GIGYF1: variants seen among roughly 807,000 people sequenced by gnomAD.
GIGYF1 encodes GRB10 interacting GYF protein 1.
Under a neutral mutation model 147.1 loss-of-function variants are expected in GIGYF1, and 84 were observed. That is an observed-to-expected ratio of 0.57 (90% CI 0.48 to 0.68). The LOEUF is 0.68. Among genes scored for constraint, GIGYF1 ranks in the 30% least tolerant of loss-of-function variants. The pLI, the probability that GIGYF1 is intolerant of heterozygous loss-of-function variation, is 0.00. For missense variants in GIGYF1, 1,485 were observed against 1,393.7 expected (o/e 1.07, Z -1.04); for synonymous variants, 752 against 589.5 (o/e 1.28, Z -3.99).
In GIGYF1 at chr7:100,682,197, G is replaced by A; in HGVS notation, c.2800C>T (p.Pro934Ser). 6.2e-7 allele frequency: 1 copy of A among 1,613,554 alleles called. No individual in the cohort carries two copies. Among genetic ancestry groups the A allele is most frequent in the Non-Finnish European group, 8.5e-7 (1 of 1,179,948 alleles). The part of the protein sequence containing the change: ...AVAILKEVES[P>S]YDVHDYIRSC... The stretch of plus-strand genomic sequence containing the variant: ...CGGATATAATCGTGGACATCATAGG[G>A]GGATTCCACCTCCTTGAGGATCGCT... The change falls in exon 25 of 27, where the codon CCC becomes TCC. Residue 934 changes from proline (P) to serine (S), a missense_variant. Transcript: ENST00000678049.
intron 8 of GIGYF1, 54 bp from the exon 9 acceptor site, chr7:100,687,100 T>C (rs1805430497): frequency 1.2e-6 from 2 of 1,608,334 alleles, no homozygotes; most frequent in Non-Finnish European, 1.7e-6. Context: ...CCTGCCACCC[T>C]GTGCAACCGC....
chr7:100,689,858 C>T (rs551059582), intron 1 of GIGYF1, among the ~76,000 whole-genome samples: 7 of 152,266 alleles, frequency 4.6e-5, no homozygotes, highest in East Asian at 3.9e-4. Flanking sequence ...GAGGACATCA[C>T]GCTAAGAGAA....
At chr7:100,693,292 TTTTTG>T (rs935353566) in intron 1 of GIGYF1, among the ~76,000 whole-genome samples, 5 of 4,306 alleles carry the variant, frequency 1.2e-3, no homozygotes, top group Non-Finnish European at 2.6e-3. Flanking sequence ...CTCGGAAATT[TTTTTG>T]TTTTTTTTTT....
chr7:100,688,584 G>A lies in GIGYF1; in HGVS notation c.-135+8C>T. On this transcript the variant is annotated splice_region_variant and intron_variant, in intron 2 of 26. Coordinates refer to ENST00000678049, the MANE Select transcript of GIGYF1 (RefSeq NM_001375765.1). ...CAGCAGGGCAACCACCCTTGGCCCG[G>A]GGCTCACCTGGCAGCCTGGCCCGGG... 1.8e-6 allele frequency: 1 copy of A among 546,376 alleles called. No individual in the cohort carries two copies. Among genetic ancestry groups the A allele is most frequent in the East Asian group, 4.4e-5 (1 of 22,810 alleles). 33.8% of individuals were successfully genotyped at this position (546,376 alleles called of 1,614,324 possible).
rs1392228736 is a variant in GIGYF1 at position 100,682,233 on chromosome 7, G to A, written c.2764C>T (p.Pro922Ser). The part of the protein sequence containing the change: ...TLSATGSLDV[P>S]MAVAILKEVE... ...TCCTTGAGGATCGCTACAGCCATGGGCACTGCAGGATGAGCGAAGGCTGTC... is the reference window on the plus strand; with the variant it reads ...TCCTTGAGGATCGCTACAGCCATGGACACTGCAGGATGAGCGAAGGCTGTC... Residue 922 changes from proline to serine, a missense_variant and splice_region_variant, in exon 25 of 27, where the codon CCC becomes TCC. Pro to Ser is a moderately conservative substitution (Grantham distance 74). Transcript: ENST00000678049. The A allele has an allele frequency of 6.2e-7, 1 of 1,611,554 alleles. No individual in the cohort carries two copies. The highest frequency in any genetic ancestry group is 8.5e-7 in the Non-Finnish European group (1 of 1,179,682).
Position 100,684,766 on chromosome 7 carries a change from A to G in GIGYF1, c.1419T>C (p.Ala473=), listed in dbSNP as rs1805152857. The G allele has an allele frequency of 4.3e-6, 7 of 1,612,284 alleles. No homozygotes were observed. Among genetic ancestry groups the G allele is most frequent in the Non-Finnish European group, 5.9e-6 (7 of 1,179,364 alleles). Residue 473 remains alanine (A), a synonymous_variant, in exon 15 of 27, where the codon GCT becomes GCC. Coordinates refer to ENST00000678049, the MANE Select transcript of GIGYF1 (RefSeq NM_001375765.1). ...GGTCCTTGTAGAACCACTTCCGGGC[A>G]GCCCCATGGCTGAGCGGGAGGGCAG... The part of the protein sequence containing the change: ...AATALPLSHG[A]ARKWFYKDPQ...
chr7:100,689,743 C>G lies in GIGYF1; in HGVS notation c.-1098-188G>C, dbSNP rs573827912. Among the ~76,000 whole-genome samples, 8 of 152,302 alleles carry G rather than the reference C, an allele frequency of 5.3e-5. No individual in the cohort carries two copies. The South Asian group carries it at 1.0e-3, about 20-fold the overall frequency. On this transcript the variant is annotated intron_variant, in intron 1 of 26. Transcript: ENST00000678049. ...CCTGGGACCTCTCCTTCCTCTGCCT[C>G]GGCTGGATGCTCCAGTGGTGGTGTG...
chr7:100,685,024 C>CT, intron 14 of GIGYF1, 25 bp downstream of exon 14: 1 of 1,553,034 alleles, frequency 6.4e-7, no homozygotes, highest in Non-Finnish European at 8.7e-7. Flanking sequence ...GGAAGGGTCC[C>CT]TCCCGCTTTC....
At chr7:100,690,107 A>G (rs1227186035) in intron 1 of GIGYF1, among the ~76,000 whole-genome samples, 4 of 152,238 alleles carry the variant, frequency 2.6e-5, no homozygotes, top group Non-Finnish European at 5.9e-5. Context: ...AGAGACAGTT[A>G]AAGTCTCCAA....
intron 19 of GIGYF1, 54 bp from the exon 20 acceptor site, chr7:100,683,686 A>T: frequency 6.4e-7 from 1 of 1,569,410 alleles, no homozygotes; most frequent in East Asian, 2.2e-5. Flanking sequence ...GGGCCCACTG[A>T]TCTAGTCCAG....
In GIGYF1 at chr7:100,682,331, T is replaced by G. The variant is rs1270074308; in HGVS notation, c.2752A>C (p.Ser918Arg). 6.2e-7 allele frequency: 1 copy of G among 1,612,312 alleles called. No individual in the cohort carries two copies. The highest frequency in any genetic ancestry group is 8.5e-7 in the Non-Finnish European group (1 of 1,179,684). Residue 918 changes from serine (S) to arginine (R), a missense_variant, in exon 24 of 27, where the codon AGC (serine) becomes CGC (arginine). Coordinates refer to ENST00000678049, the MANE Select transcript of GIGYF1 (RefSeq NM_001375765.1). ...QMLHTLSATG[S>R]LDVPMAVAIL... ...GGAGCCGCTCGCCCACCGTCCAGGC[T>G]GCCCGTGGCGCTCAGCGTGTGCAGC...
At position 100,680,179 on chromosome 7, in the gene GIGYF1, A is replaced by AT. The variant is rs1804594459; in HGVS notation, c.*1539_*1540insA. 1 of 151,920 alleles carries AT rather than the reference A, an allele frequency of 6.6e-6. No individual in the cohort carries two copies. The highest frequency in any genetic ancestry group is 2.4e-5 in the African/African-American group (1 of 41,276). The allele number at this position is 151,920 out of a possible 1,614,324, so 9.4% of individuals were successfully genotyped here. A position where few individuals can be genotyped will look rare whatever the true frequency, so the allele number is the denominator to read the frequency against. On this transcript the variant is annotated 3_prime_UTR_variant, in exon 27 of 27. Coordinates refer to ENST00000678049, the MANE Select transcript of GIGYF1 (RefSeq NM_001375765.1). ...CCACTTTGGTGCAAAAAAAAAAAAA[A>AT]AAAAAAAAAAATCCAACAACAGAAA... is the stretch of plus-strand genomic sequence containing the variant.
chr7:100,681,653 G>A lies in GIGYF1; in HGVS notation c.*66C>T. 1 of 1,456,744 alleles carries A rather than the reference G, an allele frequency of 6.9e-7. No individual in the cohort carries two copies. Among genetic ancestry groups the A allele is most frequent in the African/African-American group, 1.4e-5 (1 of 70,626 alleles). The allele number at this position is 1,456,744 out of a possible 1,614,324, so 90.2% of individuals were successfully genotyped here. A position where few individuals can be genotyped will look rare whatever the true frequency, so the allele number is the denominator to read the frequency against. On this transcript the variant is annotated 3_prime_UTR_variant, in exon 27 of 27. Coordinates refer to ENST00000678049, the MANE Select transcript of GIGYF1 (RefSeq NM_001375765.1). ...CTCTCTGCGGGGAGCCTGCAGGCTG[G>A]GACCCTCGGTCCACGCCGCTGTGGC...
At position 100,682,397 on chromosome 7, in the gene GIGYF1, G is replaced by A. The variant is rs1461682628; in HGVS notation, c.2686C>T (p.Pro896Ser). Residue 896 changes from proline to serine, a missense_variant, in exon 24 of 27, where the codon CCC (proline) becomes TCC (serine). Transcript: ENST00000678049. ...EKLLKLLQGI[P>S]RPQDGFTQWC... is the part of the protein sequence containing the mutation. The stretch of plus-strand genomic sequence containing the variant: ...TGGGTGAAGCCGTCCTGGGGCCTGG[G>A]AATGCCCTGCAGCAGCTTCAGCAGC... The A allele has an allele frequency of 3.1e-6, 5 of 1,613,758 alleles. No homozygotes were observed. Among genetic ancestry groups the A allele is most frequent in the Non-Finnish European group, 4.2e-6 (5 of 1,179,984 alleles).
At position 100,684,145 on chromosome 7, in the gene GIGYF1, T is replaced by C. The variant is rs221794; in HGVS notation, c.1743A>G (p.Pro581=). 1,361,150 of 1,608,242 alleles carry C rather than the reference T, an allele frequency of 0.85. 577,090 individuals are homozygous for C. The highest frequency in any genetic ancestry group is 0.95 in the East Asian group (42,426 of 44,850). Residue 581 remains proline (P), a synonymous_variant, in exon 18 of 27, where the codon CCA becomes CCG. Coordinates refer to ENST00000678049, the MANE Select transcript of GIGYF1 (RefSeq NM_001375765.1). ...CTGCCTTTTCTCGGAGCGCGCACTG[T>C]GGGAGCTGGCGGCTGCAAATGGGAC... ...FLQLVSSRQL[P]QCALREKAAL...
intron 22 of GIGYF1, 53 bp downstream of exon 22, chr7:100,682,959 T>C: frequency 7.2e-7 from 1 of 1,395,328 alleles, no homozygotes; most frequent in Non-Finnish European, 9.5e-7. Context: ...TCCCCCTCCC[T>C]GTGCCACCCT....
rs368048274 is a variant in GIGYF1 at position 100,687,780 on chromosome 7, G to A, written c.261+8C>T. ...CTCCCGCAGCCTCAGCTCCTGGCCCGGTCCCACCTGTTCCTCCTCAGTCAG... is the reference window on the plus strand; with the variant it reads ...CTCCCGCAGCCTCAGCTCCTGGCCCAGTCCCACCTGTTCCTCCTCAGTCAG... On this transcript the variant is annotated splice_region_variant and intron_variant, in intron 6 of 26. Coordinates refer to ENST00000678049, the MANE Select transcript of GIGYF1 (RefSeq NM_001375765.1). 3.1e-5 allele frequency: 50 copies of A among 1,590,554 alleles called. No individual in the cohort carries two copies. In the South Asian group the frequency reaches 3.2e-4, roughly 10 times the overall value.
Position 100,682,434 on chromosome 7 carries a change from CTCCG to C in GIGYF1, c.2645_2648del (p.Thr882ArgfsTer7). Reference sequence around the variant, plus strand: ...GCAGCTTCAGCAGCTTCTCTTCTTCCTCCGTCTTTTTGCGAATGGGCCGACCCGA... The same window carrying C: ...GCAGCTTCAGCAGCTTCTCTTCTTCCTCTTTTTGCGAATGGGCCGACCCGA... On this transcript the variant is annotated frameshift_variant, in exon 24 of 27. Transcript: ENST00000678049. LOFTEE classifies it high-confidence loss of function. The C allele has an allele frequency of 6.2e-7, 1 of 1,613,634 alleles. No individual in the cohort carries two copies. Among genetic ancestry groups the C allele is most frequent in the Non-Finnish European group, 8.5e-7 (1 of 1,179,994 alleles).
Position 100,682,329 on chromosome 7 carries a change from G to T in GIGYF1, c.2754C>A (p.Ser918Arg). ...TGGGAGCCGCTCGCCCACCGTCCAG[G>T]CTGCCCGTGGCGCTCAGCGTGTGCA... ...QMLHTLSATG[S>R]LDVPMAVAIL... The change falls in exon 24 of 27, where the codon AGC (serine) becomes AGA (arginine). Residue 918 changes from serine to arginine, a missense_variant. Ser to Arg is a moderately radical substitution (Grantham distance 110, BLOSUM62 -1). Coordinates refer to ENST00000678049, the MANE Select transcript of GIGYF1 (RefSeq NM_001375765.1). 6.2e-7 allele frequency: 1 copy of T among 1,612,018 alleles called. No individual in the cohort carries two copies. The highest frequency in any genetic ancestry group is 1.1e-5 in the South Asian group (1 of 91,064).
Sources: allele counts gnomAD v4.1 joint callset (sites outside exome capture counted in the v4.1 genomes callset), GRCh38; gene constraint gnomAD v4.1.1; transcripts MANE v1.5; gene names NCBI Gene and HGNC (gene_info 2026-07-23, HGNC 2026-07-21).